Variants in FNBP4 observed in about 807,000 individuals in gnomAD.
FNBP4 encodes formin binding protein 4.
A neutral mutation model predicts 119.3 loss-of-function variants in FNBP4; 34 were observed. The ratio of observed to expected loss-of-function variants is 0.28; its 90% CI spans 0.22 to 0.38. The LOEUF is 0.38. Among genes scored for constraint, FNBP4 ranks in the 10% least tolerant of loss-of-function variants. The pLI is 1.00. For synonymous variants in FNBP4, 462 were observed against 430.6 expected, an observed-to-expected ratio of 1.07 and a Z score of -0.90; for missense variants, 1,112 against 1,228.9, an observed-to-expected ratio of 0.90 and a Z score of 1.42.
At chr11:47,753,498 C>G (rs569072178) in intron 3 of FNBP4, among the ~76,000 whole-genome samples, 1 of 152,130 alleles carries the variant, frequency 6.6e-6, no homozygotes, top group African/African-American at 2.4e-5. Flanking sequence ...GTAATCTCAG[C>G]TACTTGGGAG....
intron 6 of FNBP4, among the ~76,000 whole-genome samples, chr11:47,749,756 T>A (rs943665032): frequency 6.6e-6 from 1 of 152,120 alleles, no homozygotes; most frequent in Admixed American, 6.6e-5. Context: ...AGCACTGACA[T>A]GATGATCAAA....
intron 15 of FNBP4, among the ~76,000 whole-genome samples, chr11:47,720,565 C>A (rs1452935621): frequency 7.3e-6 from 1 of 137,348 alleles, no homozygotes; most frequent in Non-Finnish European, 1.6e-5. Flanking sequence ...GACTCCGTCT[C>A]AAAAAAATAA....
intron 6 of FNBP4, among the ~76,000 whole-genome samples, chr11:47,748,463 C>T (rs2135211362): frequency 6.6e-6 from 1 of 151,728 alleles, no homozygotes; most frequent in South Asian, 2.1e-4. Flanking sequence ...TAATTTTGAA[C>T]TCCTGGGCTC....
chr11:47,743,722 G>A, intron 8 of FNBP4: 1 of 537,472 alleles, frequency 1.9e-6, no homozygotes. Context: ...AATGGGACTG[G>A]ACTCTGAATA....
In FNBP4 at chr11:47,750,810, T is replaced by G. The variant is rs1020028772; in HGVS notation, c.906+106A>C. 4 of 1,198,680 alleles carry G rather than the reference T, an allele frequency of 3.3e-6. No homozygotes were observed. In the African/African-American group the frequency reaches 4.6e-5, roughly 14 times the overall value. The allele number at this position is 1,198,680 out of a possible 1,614,324, so 74.3% of individuals were successfully genotyped here. A position where few individuals can be genotyped will look rare whatever the true frequency, so the allele number is the denominator to read the frequency against. ...GTGAAAGTTATGAAACTTATCCTAT[T>G]TCACATGTATGACATAAAATATTAA... On this transcript the variant is annotated intron_variant, in intron 6 of 16. Transcript: ENST00000263773.
intron 12 of FNBP4, among the ~76,000 whole-genome samples, chr11:47,728,408 C>T (rs7130758): frequency 0.28 from 41,838 of 151,718 alleles, 6,791 homozygotes; most frequent in Middle Eastern, 0.38. Context: ...CGCCACGACA[C>T]CTGGCTAATT....
At chr11:47,736,473 T>C in intron 9 of FNBP4, 143 bp downstream of exon 9, 1 of 572,536 alleles carries the variant, frequency 1.7e-6, no homozygotes, top group Non-Finnish European at 2.9e-6. Flanking sequence ...GGAGAATGGC[T>C]TGAACCCAGG....
At chr11:47,747,586 C>A (rs780171099) in intron 6 of FNBP4, among the ~76,000 whole-genome samples, 26 of 152,100 alleles carry the variant, frequency 1.7e-4, no homozygotes, top group Non-Finnish European at 2.4e-4. Flanking sequence ...GGATTACAGG[C>A]GTGAGCCACC....
intron 2 of FNBP4, among the ~76,000 whole-genome samples, chr11:47,764,391 A>G (rs1196063728): frequency 2.6e-5 from 4 of 152,200 alleles, no homozygotes; most frequent in Non-Finnish European, 5.9e-5. Flanking sequence ...TAAATTCTAC[A>G]TATTTTAAAT....
Position 47,767,285 on chromosome 11 carries a change from C to A in FNBP4, c.4G>T (p.Gly2Trp). ...CCGGGTACCGCCCGGGACTTCTTCC[C>A]CATCGCGAGCCCAAGCGCGAGCAGA... is the stretch of plus-strand genomic sequence containing the variant. The part of the protein sequence containing the change: M[G>W]KKSRAVPGRR... Residue 2 changes from glycine (G) to tryptophan (W), a missense_variant, in exon 1 of 17, where the codon GGG (glycine) becomes TGG (tryptophan). Gly to Trp is a radical substitution (Grantham distance 184). Transcript: ENST00000263773. 6.6e-7 allele frequency: 1 copy of A among 1,516,954 alleles called. No individual in the cohort carries two copies. The highest frequency in any genetic ancestry group is 1.2e-5 in the South Asian group (1 of 80,698). The allele number at this position is 1,516,954 out of a possible 1,614,324, so 94.0% of individuals were successfully genotyped here.
chr11:47,751,741 C>T (rs913192455), intron 4 of FNBP4, among the ~76,000 whole-genome samples: 2 of 152,016 alleles, frequency 1.3e-5, no homozygotes, highest in Non-Finnish European at 2.9e-5. Flanking sequence ...CACCTAAGGT[C>T]GGGAGTTTGA....
At position 47,746,125 on chromosome 11, in the gene FNBP4, T is replaced by C. The variant is rs1232390389; in HGVS notation, c.1176A>G (p.Gln392=). Reference sequence around the variant, plus strand: ...CCTCTTCCTCCTCACTTTCTCCAGATTGGACAACACTGCAAAGATCCTCCT... The same window carrying C: ...CCTCTTCCTCCTCACTTTCTCCAGACTGGACAACACTGCAAAGATCCTCCT... The part of the protein sequence containing the change: ...PSQEDLCSVV[Q]SGESEEEEEQ... Residue 392 remains glutamine, a synonymous_variant, in exon 7 of 17, where the codon CAA becomes CAG. Transcript: ENST00000263773. 3.1e-6 allele frequency: 5 copies of C among 1,613,718 alleles called. No homozygotes were observed. Among genetic ancestry groups the C allele is most frequent in the East Asian group, 4.5e-5 (2 of 44,874 alleles).
At chr11:47,729,659 G>A in intron 12 of FNBP4, 1 of 964,556 alleles carries the variant, frequency 1.0e-6, no homozygotes, top group Non-Finnish European at 1.2e-6. Flanking sequence ...ACAGGCGTGG[G>A]CCACTAACTA....
In FNBP4 at chr11:47,732,779, G is replaced by A. The variant is rs1565130906; in HGVS notation, c.1687-109C>T. ...AAGACTATATCCCTGTGCTCTGGCA[G>A]GACAGTAGACCAGAGAGGAAAATAA... On this transcript the variant is annotated intron_variant, in intron 10 of 16. Coordinates refer to ENST00000263773, the MANE Select transcript of FNBP4 (RefSeq NM_015308.5). The surrounding 1 kb of genome is among the most constrained non-coding windows in gnomAD (Gnocchi z 4.2). 1 of 1,015,146 alleles carries A rather than the reference G, an allele frequency of 9.9e-7. No individual in the cohort carries two copies. The highest frequency in any genetic ancestry group is 1.4e-5 in the South Asian group (1 of 69,242). The allele number at this position is 1,015,146 out of a possible 1,614,324, so 62.9% of individuals were successfully genotyped here.
At chr11:47,755,141 TAAAAA>T (rs35333558) in intron 2 of FNBP4, among the ~76,000 whole-genome samples, 1 of 122,730 alleles carries the variant, frequency 8.1e-6, no homozygotes. Context: ...CTCCGGGGGT[TAAAAA>T]AAAAAAAAAA....
Position 47,750,866 on chromosome 11 carries a change from A to G in FNBP4, c.906+50T>C, listed in dbSNP as rs1157179514. On this transcript the variant is annotated intron_variant, in intron 6 of 16. Transcript: ENST00000263773. Reference sequence around the variant, plus strand: ...GGCTTCCACTCCTGTGCTCAGAGTAACGCTTATTAGATCTGAAAATAAACA... The same window carrying G: ...GGCTTCCACTCCTGTGCTCAGAGTAGCGCTTATTAGATCTGAAAATAAACA... 2.5e-6 allele frequency: 4 copies of G among 1,598,448 alleles called. No individual in the cohort carries two copies. In the South Asian group the frequency reaches 4.4e-5, roughly 18 times the overall value.
chr11:47,746,505 C>A, intron 6 of FNBP4, 111 bp from the exon 7 acceptor site: 5 of 993,114 alleles, frequency 5.0e-6, no homozygotes, highest in East Asian at 2.6e-5. Context: ...GCTGAATACT[C>A]AAGGTAAAAA....
rs1485474207 is a variant in FNBP4, at chr11:47,754,672, C to A, written c.314-8G>T. On this transcript the variant is annotated splice_region_variant and splice_polypyrimidine_tract_variant and intron_variant, in intron 2 of 16. Coordinates refer to ENST00000263773, the MANE Select transcript of FNBP4 (RefSeq NM_015308.5). ...CAAGCAAGCATAGACCGCCTAGAAA[C>A]AAAAAGGTAAACAGTATTTGTAACA... is the stretch of plus-strand genomic sequence containing the variant. 6.2e-7 allele frequency: 1 copy of A among 1,609,022 alleles called. No individual in the cohort carries two copies.
chr11:47,765,919 C>T (rs995415328), intron 1 of FNBP4, among the ~76,000 whole-genome samples: 2 of 138,302 alleles, frequency 1.4e-5, no homozygotes, highest in Admixed American at 1.6e-4. Context: ...CTCCTGACCT[C>T]GAGTAATCCG....
Sources: allele counts gnomAD v4.1 joint callset (sites outside exome capture counted in the v4.1 genomes callset), GRCh38; gene constraint gnomAD v4.1.1; non-coding constraint Gnocchi (gnomAD v3.1); transcripts MANE v1.5; gene names NCBI Gene and HGNC (gene_info 2026-07-23, HGNC 2026-07-21).